TENT2: variants seen among roughly 807,000 people sequenced by gnomAD.
TENT2 encodes the protein terminal nucleotidyltransferase 2.
Under a neutral mutation model 72.2 loss-of-function variants are expected in TENT2, and 44 were observed. The observed-to-expected ratio is 0.61, with a 90% CI of 0.48 to 0.78. TENT2 has a LOEUF of 0.78. Ranked by LOEUF, TENT2 falls within the 30% of genes least tolerant of loss-of-function variation. TENT2 has a pLI of 0.00. For synonymous variants in TENT2, 212 were observed against 192.5 expected (o/e 1.10, Z -0.84); for missense variants, 541 against 569.6 (o/e 0.95, Z 0.51).
intron 4 of TENT2, among the ~76,000 whole-genome samples, chr5:79,624,581 C>T (rs375566411): frequency 6.6e-6 from 1 of 152,288 alleles, no homozygotes. Context: ...AGTCACTTCT[C>T]CTGCTCCCTG....
At chr5:79,624,265 A>G (rs1382494329) in intron 4 of TENT2, among the ~76,000 whole-genome samples, 1 of 152,208 alleles carries the variant, frequency 6.6e-6, no homozygotes, top group African/African-American at 2.4e-5. Context: ...AAGAAAATAT[A>G]GCAACTTTGT....
At chr5:79,643,819 T>C (rs1248580126) in intron 7 of TENT2, among the ~76,000 whole-genome samples, 1 of 152,108 alleles carries the variant, frequency 6.6e-6, no homozygotes, top group Non-Finnish European at 1.5e-5. Context: ...CTTTTTCTTT[T>C]GGTTATTTTT....
intron 4 of TENT2, among the ~76,000 whole-genome samples, chr5:79,630,132 C>T (rs1316605655): frequency 6.6e-6 from 1 of 152,032 alleles, no homozygotes; most frequent in Non-Finnish European, 1.5e-5. Flanking sequence ...AGGACTCCGT[C>T]TCAAAAATAC....
intron 4 of TENT2, among the ~76,000 whole-genome samples, chr5:79,630,340 C>T (rs1239921452): frequency 2.0e-5 from 3 of 152,064 alleles, no homozygotes; most frequent in East Asian, 3.9e-4. Flanking sequence ...TGCCTGTAAT[C>T]GCAACACTTT....
chr5:79,644,896 A>G lies in TENT2; in HGVS notation c.752-227A>G, dbSNP rs541226284. On this transcript the variant is annotated intron_variant, in intron 7 of 14. Coordinates refer to ENST00000453514, the MANE Select transcript of TENT2 (RefSeq NM_001114394.3). Reference sequence around the variant, plus strand: ...TAATGAACTTCTCTATAGATACTATATTAGATCACATTCCTGAAAATAACC... The same window carrying G: ...TAATGAACTTCTCTATAGATACTATGTTAGATCACATTCCTGAAAATAACC... The G allele has an allele frequency of 2.2e-4, 93 of 418,992 alleles. 1 individual carries two copies. The South Asian group carries it at 4.1e-3, about 18-fold the overall frequency. 26.0% of individuals were successfully genotyped at this position (418,992 alleles called of 1,614,324 possible). A position where few individuals can be genotyped will look rare whatever the true frequency, so the allele number is the denominator to read the frequency against.
At chr5:79,614,573 G>A (rs901735877) in intron 1 of TENT2, among the ~76,000 whole-genome samples, 2 of 152,124 alleles carry the variant, frequency 1.3e-5, no homozygotes, top group African/African-American at 4.8e-5. Flanking sequence ...AAGGAAAATT[G>A]GATATTGCCA....
intron 13 of TENT2, among the ~76,000 whole-genome samples, chr5:79,680,767 G>T (rs1302294028): frequency 1.3e-5 from 2 of 151,890 alleles, no homozygotes; most frequent in Non-Finnish European, 2.9e-5. Context: ...TCTTTATTTG[G>T]TCCTACTGGT....
rs1826533356 is a variant in TENT2, at chr5:79,687,887, TTTTGATTAG to T, written c.*2616_*2624del. Among the ~76,000 whole-genome samples, 1 of 152,212 alleles carries T rather than the reference TTTTGATTAG, an allele frequency of 6.6e-6. No homozygotes were observed. The highest frequency in any genetic ancestry group is 2.4e-5 in the African/African-American group (1 of 41,452). On this transcript the variant is annotated 3_prime_UTR_variant, in exon 15 of 15. Coordinates refer to ENST00000453514, the MANE Select transcript of TENT2 (RefSeq NM_001114394.3). Reference sequence around the variant, plus strand: ...AGGAACATAGAATGGCTACCTGTGATTTTGATTAGTGTTTAACAGATTGCCACAGCTGTG... The same window carrying T: ...AGGAACATAGAATGGCTACCTGTGATTGTTTAACAGATTGCCACAGCTGTG...
At chr5:79,683,708 G>A (rs1824058308) in intron 14 of TENT2, among the ~76,000 whole-genome samples, 1 of 151,486 alleles carries the variant, frequency 6.6e-6, no homozygotes. Flanking sequence ...GAGGTCAGGA[G>A]ATCGAGACCA....
At chr5:79,683,731 C>T (rs912900250) in intron 14 of TENT2, among the ~76,000 whole-genome samples, 19 of 150,806 alleles carry the variant, frequency 1.3e-4, no homozygotes, top group Non-Finnish European at 1.9e-4. Context: ...CCGGCTAAAA[C>T]GGTGAAACCC....
intron 10 of TENT2, among the ~76,000 whole-genome samples, chr5:79,654,192 G>A (rs1796220225): frequency 6.6e-6 from 1 of 152,208 alleles, no homozygotes; most frequent in Non-Finnish European, 1.5e-5. Flanking sequence ...AGCAGTTTGG[G>A]AGGCTGAGGC....
chr5:79,636,982 T>C (rs906825132), intron 4 of TENT2, among the ~76,000 whole-genome samples: 1 of 152,164 alleles, frequency 6.6e-6, no homozygotes, highest in South Asian at 2.1e-4. Flanking sequence ...GTTAAAAATA[T>C]TAGTTTTGTT....
rs557998837 is a variant in TENT2 at position 79,669,108 on chromosome 5, A to G, written c.1208+80A>G. On this transcript the variant is annotated intron_variant, in intron 12 of 14. Transcript: ENST00000453514. ...TATGTATATATATGAATACGAATAT[A>G]TAAGTAAATGCTACAGATTTAGTCA... 430 of 1,464,006 alleles carry G rather than the reference A, an allele frequency of 2.9e-4. 6 individuals are homozygous for G. The South Asian group carries it at 5.1e-3, about 18-fold the overall frequency. The allele number at this position is 1,464,006 out of a possible 1,614,324, so 90.7% of individuals were successfully genotyped here.
chr5:79,680,653 C>G (rs183710863), intron 13 of TENT2, among the ~76,000 whole-genome samples: 9 of 152,240 alleles, frequency 5.9e-5, no homozygotes, highest in Admixed American at 2.0e-4. Context: ...TAGGTCTTTC[C>G]CCTCGGTTAC....
chr5:79,662,328 C>T (rs928741811), intron 11 of TENT2, among the ~76,000 whole-genome samples: 1 of 152,150 alleles, frequency 6.6e-6, no homozygotes. Context: ...AACTTCTGTT[C>T]ATGTTGATAT....
intron 10 of TENT2, among the ~76,000 whole-genome samples, chr5:79,656,075 C>T (rs1797747844): frequency 6.6e-6 from 1 of 151,826 alleles, no homozygotes; most frequent in Admixed American, 6.6e-5. Flanking sequence ...ATAGTGTATT[C>T]CTAATTCTTA....
chr5:79,669,770 A>G lies in TENT2; in HGVS notation c.1208+742A>G, dbSNP rs140460711. Among the ~76,000 whole-genome samples the G allele has an allele frequency of 2.0e-4, 31 of 151,918 alleles. No homozygotes were observed. In the East Asian group the frequency reaches 2.1e-3, roughly 10 times the overall value. On this transcript the variant is annotated intron_variant, in intron 12 of 14. Transcript: ENST00000453514. ...AATAATAATAAATTGCTATTACTAG[A>G]TGGGAAAATGGTTCTAAACATATAT...
intron 7 of TENT2, among the ~76,000 whole-genome samples, chr5:79,644,035 G>C (rs1786648198): frequency 6.7e-6 from 1 of 150,276 alleles, no homozygotes; most frequent in Non-Finnish European, 1.5e-5. Flanking sequence ...AGGCTGGAGT[G>C]CAGTAGCATG....
intron 4 of TENT2, among the ~76,000 whole-genome samples, chr5:79,636,463 C>G (rs1340199299): frequency 6.6e-6 from 1 of 152,102 alleles, no homozygotes; most frequent in Non-Finnish European, 1.5e-5. Flanking sequence ...GCCATACTAT[C>G]TTGATTACTG....
Sources: gnomAD v4.1 joint callset for allele counts (sites outside exome capture counted in the v4.1 genomes callset) on GRCh38, gnomAD v4.1.1 for gene constraint, MANE v1.5 for transcripts, NCBI Gene and HGNC (gene_info 2026-07-23, HGNC 2026-07-21) for gene names.